Variants in DAAM2 observed in about 807,000 individuals in gnomAD.
The protein encoded by DAAM2 is dishevelled associated activator of morphogenesis 2, also known as disheveled-associated activator of morphogenesis 2.
A neutral mutation model predicts 120.7 loss-of-function variants in DAAM2; 39 were observed. That is an observed-to-expected ratio of 0.32 (90% CI 0.25 to 0.42). The LOEUF (loss-of-function observed/expected upper bound fraction) is 0.42. Among genes scored for constraint, DAAM2 ranks in the 10% least tolerant of loss-of-function variants. The pLI is 1.00. For missense variants in DAAM2, 1,283 were observed against 1,401.7 expected (o/e 0.92, Z 1.35); for synonymous variants, 488 against 524.9 (o/e 0.93, Z 0.96).
intron 3 of DAAM2, chr6:39,862,493 AAAACAAAC>A (rs200576812): frequency 5.3e-5 from 8 of 152,132 alleles, no homozygotes; most frequent in African/African-American, 1.9e-4. Context: ...TACAGCTGCT[AAAACAAAC>A]AAACAAACAA....
chr6:39,891,343 C>T lies in DAAM2; in HGVS notation c.2148C>T (p.Leu716=), dbSNP rs530352890. The change falls in exon 18 of 25, where the codon CTC becomes CTT. Residue 716 remains leucine (L), a splice_region_variant and synonymous_variant. Coordinates refer to ENST00000274867, the MANE Select transcript of DAAM2 (RefSeq NM_001201427.2). The part of the protein sequence containing the change: ...EDLAKDMLEQ[L]LKFIPEKSDI... ...TGACTTGCGCCTGCTCTTTGCAGCT[C>T]CTCAAGTTCATCCCAGAGAAGAGTG... The T allele has an allele frequency of 4.4e-6, 7 of 1,604,036 alleles. No homozygotes were observed. The highest frequency in any genetic ancestry group is 1.7e-5 in the Admixed American group (1 of 58,844).
intron 1 of DAAM2, among the ~76,000 whole-genome samples, chr6:39,793,832 ACAGACTGAATTTT>A (rs1761621106): frequency 6.6e-6 from 1 of 152,180 alleles, no homozygotes; most frequent in South Asian, 2.1e-4. Flanking sequence ...GTGACCACAG[ACAGACTGAATTTT>A]CAGCTTTGAG....
At chr6:39,877,603 C>A (rs920809854) in intron 11 of DAAM2, among the ~76,000 whole-genome samples, 2 of 152,178 alleles carry the variant, frequency 1.3e-5, no homozygotes, top group Non-Finnish European at 2.9e-5. Context: ...GGAAAGGATT[C>A]TTGGGATCTC....
At chr6:39,801,921 G>A (rs1214588294) in intron 1 of DAAM2, among the ~76,000 whole-genome samples, 2 of 152,210 alleles carry the variant, frequency 1.3e-5, no homozygotes, top group African/African-American at 4.8e-5. Context: ...TCAGTGGGAA[G>A]ATACGTCAAT....
In DAAM2 at chr6:39,897,289, G is replaced by A; in HGVS notation, c.2618+7G>A. The A allele has an allele frequency of 6.4e-7, 1 of 1,558,330 alleles. No individual in the cohort carries two copies. Among genetic ancestry groups the A allele is most frequent in the Non-Finnish European group, 8.8e-7 (1 of 1,129,990 alleles). ...CAGAAGCTGCCAAAGTCAAGTGAGG[G>A]TTCTCTCCAAGACTTCCTTCTCCCC... On this transcript the variant is annotated splice_region_variant and intron_variant, in intron 21 of 24. Transcript: ENST00000274867.
At chr6:39,854,257 T>C (rs1003561098) in intron 1 of DAAM2, among the ~76,000 whole-genome samples, 1 of 152,184 alleles carries the variant, frequency 6.6e-6, no homozygotes, top group Non-Finnish European at 1.5e-5. Context: ...CCCTCTTTCC[T>C]CCTTTTCCAT....
At chr6:39,853,369 C>T (rs552879140) in intron 1 of DAAM2, among the ~76,000 whole-genome samples, 6 of 152,138 alleles carry the variant, frequency 3.9e-5, no homozygotes, top group African/African-American at 1.4e-4. Flanking sequence ...ACATGCAGCC[C>T]CTCAAAAAGA....
chr6:39,843,792 G>A (rs771554043), intron 1 of DAAM2, among the ~76,000 whole-genome samples: 38 of 152,110 alleles, frequency 2.5e-4, no homozygotes, highest in Non-Finnish European at 4.3e-4. Flanking sequence ...ACAGGGTTTG[G>A]TCATGCAAGC....
chr6:39,852,249 C>T (rs1039238333), intron 1 of DAAM2, among the ~76,000 whole-genome samples: 1 of 152,208 alleles, frequency 6.6e-6, no homozygotes, highest in Admixed American at 6.5e-5. Context: ...CAAATTGCTT[C>T]TCAATTCTCC....
At chr6:39,811,339 A>G (rs897851812) in intron 1 of DAAM2, among the ~76,000 whole-genome samples, 3 of 152,100 alleles carry the variant, frequency 2.0e-5, no homozygotes, top group African/African-American at 7.2e-5. Flanking sequence ...TGCCTCCGCC[A>G]TTGCAAGCAC....
chr6:39,811,407 G>T (rs1762158033), intron 1 of DAAM2, among the ~76,000 whole-genome samples: 1 of 152,134 alleles, frequency 6.6e-6, no homozygotes, highest in African/African-American at 2.4e-5. Context: ...CCCTGCGATG[G>T]AGGGGTTATG....
At chr6:39,858,381 G>A (rs535593291) in intron 2 of DAAM2, among the ~76,000 whole-genome samples, 1 of 152,328 alleles carries the variant, frequency 6.6e-6, no homozygotes, top group African/African-American at 2.4e-5. Context: ...TATTAGCAGT[G>A]AGGATGGAGA....
At chr6:39,888,786 A>G in intron 17 of DAAM2, 23 bp downstream of exon 17, 1 of 1,598,312 alleles carries the variant, frequency 6.3e-7, no homozygotes, top group South Asian at 1.1e-5. Flanking sequence ...GTGGGAAGGA[A>G]GGGGAACTGA....
chr6:39,887,475 G>A lies in DAAM2; in HGVS notation c.1954-11G>A, dbSNP rs1404100004. On this transcript the variant is annotated splice_polypyrimidine_tract_variant and intron_variant, in intron 15 of 24. Coordinates refer to ENST00000274867, the MANE Select transcript of DAAM2 (RefSeq NM_001201427.2). ...CACACCTCAACTGTCCACTTGACTT[G>A]TTGGTTGCAGAAAGAGCTGGGCTCC... is the stretch of plus-strand genomic sequence containing the variant. The A allele has an allele frequency of 6.2e-7, 1 of 1,607,354 alleles. No individual in the cohort carries two copies. Among genetic ancestry groups the A allele is most frequent in the Non-Finnish European group, 8.5e-7 (1 of 1,175,170 alleles).
intron 6 of DAAM2, chr6:39,868,489 C>A: frequency 3.3e-6 from 1 of 306,902 alleles, no homozygotes; most frequent in East Asian, 6.6e-5. Flanking sequence ...GTGTCCATAC[C>A]ATAAATGAGC....
chr6:39,848,718 A>G (rs933543658), intron 1 of DAAM2: 2 of 152,144 alleles, frequency 1.3e-5, no homozygotes, highest in East Asian at 1.9e-4. Context: ...AGCTCCCCCA[A>G]TCCTGGAAAG....
rs13203276 is a variant in DAAM2, at chr6:39,839,233, A to T, written c.-56-17014A>T. Among the ~76,000 whole-genome samples, 802 of 152,338 alleles carry T rather than the reference A, an allele frequency of 5.3e-3. 7 individuals carry two copies. The highest frequency in any genetic ancestry group is 4.4e-3 in the Non-Finnish European group (299 of 68,034). On this transcript the variant is annotated intron_variant, in intron 1 of 24. Transcript: ENST00000274867. ...AAAAGGTTTGTAAAAATTCTGGCGAAAAAAGAGGAAAGAGAAACGGCAGTA... is the reference window on the plus strand; with the variant it reads ...AAAAGGTTTGTAAAAATTCTGGCGATAAAAGAGGAAAGAGAAACGGCAGTA...
intron 2 of DAAM2, 131 bp from the exon 3 acceptor site, chr6:39,860,797 A>G: frequency 1.3e-6 from 1 of 745,800 alleles, no homozygotes; most frequent in Non-Finnish European, 2.2e-6. Flanking sequence ...CATATCTTTG[A>G]TGCTCTTCGG....
At position 39,901,434 on chromosome 6, in the gene DAAM2, AAGG is replaced by A. The variant is rs764131369; in HGVS notation, c.2956_2958del (p.Glu986del). On this transcript the variant is annotated inframe_deletion, in exon 24 of 25. Transcript: ENST00000274867. This position sits in a 1 kb window ranked among gnomAD's most constrained non-coding sequence, Gnocchi z 4.5. Reference sequence around the variant, plus strand: ...GGATCTAGAGGCCATGAGGAGGAGGAAGGAGGAGGAGGAGCGGCGGGCGCGCAT... The same window carrying A: ...GGATCTAGAGGCCATGAGGAGGAGGAAGGAGGAGGAGCGGCGGGCGCGCAT... 5.1e-4 allele frequency: 824 copies of A among 1,612,194 alleles called. No individual in the cohort carries two copies. Among genetic ancestry groups the A allele is most frequent in the Non-Finnish European group, 6.5e-4 (761 of 1,179,648 alleles).
Sources: allele counts gnomAD v4.1 joint callset (sites outside exome capture counted in the v4.1 genomes callset), GRCh38; gene constraint gnomAD v4.1.1; non-coding constraint Gnocchi (gnomAD v3.1); transcripts MANE v1.5; gene names NCBI Gene and HGNC (gene_info 2026-07-23, HGNC 2026-07-21).